The following DLGAP2 variants were observed in gnomAD, a reference collection of about 807,000 sequenced individuals.
The protein encoded by DLGAP2 is disks large-associated protein 2.
Under a neutral mutation model 100.3 loss-of-function variants are expected in DLGAP2, and 26 were observed. That is an observed-to-expected ratio of 0.26 (90% CI 0.19 to 0.36). The LOEUF (loss-of-function observed/expected upper bound fraction) is 0.36. DLGAP2 is among the 10% of genes least tolerant of loss of function. The pLI, the probability that DLGAP2 is intolerant of heterozygous loss-of-function variation, is 1.00. For missense variants in DLGAP2, 1,858 were observed against 1,453.2 expected (o/e 1.28, Z -4.53); for synonymous variants, 886 against 630.1 (o/e 1.41, Z -6.08).
At chr8:1,179,600 C>G (rs568524532) in intron 2 of DLGAP2, among the ~76,000 whole-genome samples, 1 of 152,224 alleles carries the variant, frequency 6.6e-6, no homozygotes, top group African/African-American at 2.4e-5. Flanking sequence ...AATTAACTCT[C>G]CAAGTTGCCT....
intron 7 of DLGAP2, among the ~76,000 whole-genome samples, chr8:1,631,666 G>T (rs1158805076): frequency 6.6e-6 from 1 of 152,174 alleles, no homozygotes; most frequent in Non-Finnish European, 1.5e-5. Flanking sequence ...GCCTGGCATG[G>T]GTCTGTCTTC....
At chr8:824,960 G>C (rs6559192) in intron 1 of DLGAP2, among the ~76,000 whole-genome samples, 151,339 of 152,272 alleles carry the variant, frequency 0.99, 75,218 homozygotes, top group Middle Eastern at 1. Flanking sequence ...TTTGAGAGGG[G>C]CCGCCCCACC....
chr8:770,660 C>T (rs191789049), intron 1 of DLGAP2, among the ~76,000 whole-genome samples: 20 of 152,216 alleles, frequency 1.3e-4, no homozygotes, highest in East Asian at 3.9e-4. Flanking sequence ...GTCTCTCCTT[C>T]GTGCTGACCT....
intron 3 of DLGAP2, among the ~76,000 whole-genome samples, chr8:1,305,655 C>T (rs1356385880): frequency 1.3e-5 from 2 of 152,198 alleles, no homozygotes; most frequent in Admixed American, 6.5e-5. Context: ...TGAAAACCTA[C>T]CATAAACACT....
chr8:972,788 C>T, intron 2 of DLGAP2, among the ~76,000 whole-genome samples: 1 of 152,166 alleles, frequency 6.6e-6, no homozygotes, highest in East Asian at 1.9e-4. Context: ...GTTTGTGTCC[C>T]TGGGTACTTG....
intron 4 of DLGAP2, among the ~76,000 whole-genome samples, chr8:1,535,789 G>T (rs1400832003): frequency 6.6e-6 from 1 of 152,216 alleles, no homozygotes; most frequent in Non-Finnish European, 1.5e-5. Flanking sequence ...GAGCATCGAT[G>T]TGTGCCAGAG....
rs1301194413 is a variant in DLGAP2 at position 1,683,850 on chromosome 8, ATATATATGTGTG to A, written c.2704+5223_2704+5234del. Among the ~76,000 whole-genome samples the A allele has an allele frequency of 5.6e-5, 4 of 72,048 alleles. 1 individual carries two copies. The highest frequency in any genetic ancestry group is 5.0e-4 in the East Asian group (1 of 2,016). 47.3% of individuals were successfully genotyped at this position (72,048 alleles called of 152,430 possible). ...TTTGCTCCACTATATATATATATAT[ATATATATGTGTG>A]TGTGTGTGTGTGTGTGTGTGTGTGT... On this transcript the variant is annotated intron_variant, in intron 12 of 14. Coordinates refer to ENST00000637795, the MANE Select transcript of DLGAP2 (RefSeq NM_001346810.2).
intron 3 of DLGAP2, among the ~76,000 whole-genome samples, chr8:1,330,899 G>A (rs1367947594): frequency 6.7e-6 from 1 of 149,328 alleles, no homozygotes; most frequent in East Asian, 2.0e-4. Flanking sequence ...ACTGAGTTCT[G>A]TGTGGGAGCA....
intron 8 of DLGAP2, among the ~76,000 whole-genome samples, chr8:1,638,535 C>T (rs1005622253): frequency 7.2e-5 from 11 of 152,230 alleles, no homozygotes; most frequent in Admixed American, 2.6e-4. Flanking sequence ...ACCCGCGGCC[C>T]GGCCGTACTG....
At chr8:1,060,428 G>A (rs978834790) in intron 2 of DLGAP2, among the ~76,000 whole-genome samples, 9 of 151,816 alleles carry the variant, frequency 5.9e-5, no homozygotes, top group African/African-American at 2.2e-4. Flanking sequence ...TGTCCTTGCT[G>A]TGTCCTTGGT....
chr8:882,415 GC>G (rs1240582155), intron 1 of DLGAP2, among the ~76,000 whole-genome samples: 19 of 145,948 alleles, frequency 1.3e-4, no homozygotes, highest in African/African-American at 2.5e-4. Flanking sequence ...GGCCTCTCCT[GC>G]GCGCACCCTC....
chr8:1,272,023 C>T (rs115209362), intron 3 of DLGAP2, among the ~76,000 whole-genome samples: 1,690 of 152,120 alleles, frequency 0.011, 30 homozygotes, highest in African/African-American at 0.038. Flanking sequence ...TACACGTTGG[C>T]CAAGTTGGTC....
chr8:1,374,924 G>A (rs1279936819), intron 3 of DLGAP2, among the ~76,000 whole-genome samples: 2 of 152,124 alleles, frequency 1.3e-5, no homozygotes, highest in Non-Finnish European at 2.9e-5. Flanking sequence ...AGCCCAATAC[G>A]ACAGCCAGGG....
chr8:890,929 C>T (rs1264574739), intron 1 of DLGAP2, among the ~76,000 whole-genome samples: 2 of 152,190 alleles, frequency 1.3e-5, no homozygotes, highest in Non-Finnish European at 2.9e-5. Flanking sequence ...TTCCCGCCCA[C>T]CCGGCTGTGC....
chr8:1,677,220 A>C (rs1424744539), intron 11 of DLGAP2, among the ~76,000 whole-genome samples: 1 of 152,190 alleles, frequency 6.6e-6, no homozygotes, highest in Non-Finnish European at 1.5e-5. Flanking sequence ...GGCCTCCCTC[A>C]TCAGGGAGCG....
chr8:1,142,136 A>T (rs1190571987), intron 2 of DLGAP2, among the ~76,000 whole-genome samples: 3 of 152,138 alleles, frequency 2.0e-5, no homozygotes, highest in Non-Finnish European at 4.4e-5. Context: ...AATCTTTGGA[A>T]AGTAAATTTG....
chr8:909,192 G>C (rs1798437332), intron 2 of DLGAP2, among the ~76,000 whole-genome samples: 1 of 152,184 alleles, frequency 6.6e-6, no homozygotes, highest in Non-Finnish European at 1.5e-5. Context: ...AGCTTGTTGA[G>C]TGTGTCAGAT....
chr8:866,473 T>TTC (rs1181136289), intron 1 of DLGAP2, among the ~76,000 whole-genome samples: 10 of 152,150 alleles, frequency 6.6e-5, no homozygotes, highest in Non-Finnish European at 1.0e-4. Context: ...TCAGTTCCCG[T>TTC]CTGCATAGGG....
chr8:1,386,549 C>T (rs1372656042), intron 3 of DLGAP2, among the ~76,000 whole-genome samples: 7 of 152,204 alleles, frequency 4.6e-5, no homozygotes, highest in East Asian at 3.8e-4. Context: ...CACCACCGGC[C>T]AGATGTGAGA....
Sources: allele counts gnomAD v4.1 joint callset (sites outside exome capture counted in the v4.1 genomes callset), GRCh38; gene constraint gnomAD v4.1.1; transcripts MANE v1.5; gene names NCBI Gene and HGNC (gene_info 2026-07-23, HGNC 2026-07-21).